DNAH11: variants seen among roughly 807,000 people sequenced by gnomAD.
The protein encoded by DNAH11 is axonemal beta dynein heavy chain 11.
DNAH11 carries 442 observed loss-of-function variants against 526.0 expected under a neutral mutation model. That is an observed-to-expected ratio of 0.84 (90% CI 0.78 to 0.91). The LOEUF is 0.91. DNAH11 is among the 40% of genes least tolerant of loss of function. The probability of loss-of-function intolerance (pLI) is 0.00; values close to 1 mark genes in which losing one functional copy is unlikely to be tolerated. For missense variants in DNAH11, 6,989 were observed against 5,448.7 expected, an observed-to-expected ratio of 1.28 and a Z score of -8.90; for synonymous variants, 2,461 against 1,935.9, an observed-to-expected ratio of 1.27 and a Z score of -7.12.
At chr7:21,732,348 A>G (rs1451749564) in intron 45 of DNAH11, among the ~76,000 whole-genome samples, 2 of 152,170 alleles carry the variant, frequency 1.3e-5, no homozygotes, top group Non-Finnish European at 2.9e-5. Context: ...AGATTGGGTT[A>G]GGGCTCAGTC....
At chr7:21,879,637 T>C (rs944594659) in intron 74 of DNAH11, among the ~76,000 whole-genome samples, 9 of 152,210 alleles carry the variant, frequency 5.9e-5, no homozygotes, top group South Asian at 2.1e-4. Context: ...ATCAAAACTA[T>C]AGGGATTCAA....
At chr7:21,601,715 A>T (rs148159401) in intron 18 of DNAH11, 97 bp downstream of exon 18, 1 of 895,378 alleles carries the variant, frequency 1.1e-6, no homozygotes, top group African/African-American at 1.7e-5. Context: ...CCTTATAACA[A>T]TCTATACTGT....
Position 21,543,368 on chromosome 7 carries a change from C to CGAG in DNAH11, c.131_133dup (p.Glu44dup). ...TGGAGCTCGAGGAGGAGGAGGAGAA[C>CGAG]GAGGAGGAGGCGGCGGCCAGGAGAG... On this transcript the variant is annotated inframe_insertion, in exon 1 of 82. Transcript: ENST00000409508. 2 of 1,551,690 alleles carry CGAG rather than the reference C, an allele frequency of 1.3e-6. No individual in the cohort carries two copies. The highest frequency in any genetic ancestry group is 8.7e-7 in the Non-Finnish European group (1 of 1,146,948).
At chr7:21,578,643 C>G (rs1255115014) in intron 8 of DNAH11, among the ~76,000 whole-genome samples, 1 of 152,232 alleles carries the variant, frequency 6.6e-6, no homozygotes, top group African/African-American at 2.4e-5. Flanking sequence ...CAACCCCACA[C>G]TGCCCTAGCA....
chr7:21,612,330 C>T (rs1343792685), intron 20 of DNAH11, among the ~76,000 whole-genome samples: 1 of 151,822 alleles, frequency 6.6e-6, no homozygotes, highest in Non-Finnish European at 1.5e-5. Flanking sequence ...CCGAGGTGGG[C>T]AGATCACAAG....
rs1784597054 is a variant in DNAH11 at position 21,589,426 on chromosome 7, T to G, written c.2169+23T>G. 3 of 1,574,784 alleles carry G rather than the reference T, an allele frequency of 1.9e-6. No individual in the cohort carries two copies. The Admixed American group carries it at 5.6e-5, about 29-fold the overall frequency. ...AAGGTAGGGATTTGATTTTTTAAGA[T>G]GATTTATAAGTGCCCTTTTTATTAT... On this transcript the variant is annotated intron_variant, in intron 12 of 81. Transcript: ENST00000409508.
At chr7:21,544,407 C>G (rs932084746) in intron 1 of DNAH11, among the ~76,000 whole-genome samples, 1 of 152,010 alleles carries the variant, frequency 6.6e-6, no homozygotes. Flanking sequence ...ATTTTGAATT[C>G]TTTTGTTTTA....
chr7:21,666,307 G>T (rs1782418931), intron 30 of DNAH11, among the ~76,000 whole-genome samples: 1 of 152,084 alleles, frequency 6.6e-6, no homozygotes, highest in Non-Finnish European at 1.5e-5. Context: ...TAATTTCCCA[G>T]ATTTGAAGGT....
chr7:21,750,210 T>C lies in DNAH11; in HGVS notation c.8798-12T>C. On this transcript the variant is annotated splice_polypyrimidine_tract_variant and intron_variant, in intron 53 of 81. Transcript: ENST00000409508. ...ATGATCTTTTAGTAATTCTACTCAT[T>C]CTTTGGGGCAGGAGAAATCCCAGAT... The C allele has an allele frequency of 6.3e-7, 1 of 1,579,094 alleles. No individual in the cohort carries two copies. Among genetic ancestry groups the C allele is most frequent in the Admixed American group, 1.9e-5 (1 of 51,840 alleles).
intron 28 of DNAH11, among the ~76,000 whole-genome samples, chr7:21,653,872 A>G (rs1583565799): frequency 6.6e-6 from 1 of 152,232 alleles, no homozygotes; most frequent in East Asian, 1.9e-4. Context: ...AAATCACCCT[A>G]AGGAAGTTCC....
At chr7:21,730,920 G>C (rs1277517530) in intron 45 of DNAH11, among the ~76,000 whole-genome samples, 1 of 152,186 alleles carries the variant, frequency 6.6e-6, no homozygotes, top group Non-Finnish European at 1.5e-5. Flanking sequence ...AAGGCAGGTT[G>C]ATCACCTGAG....
At chr7:21,564,057 AAAAG>A in intron 5 of DNAH11, 125 bp from the exon 6 acceptor site, 1 of 597,820 alleles carries the variant, frequency 1.7e-6, no homozygotes, top group South Asian at 3.3e-5. Context: ...TAAGTAATAT[AAAAG>A]GAACTATGAC....
At chr7:21,839,996 C>T (rs956666978) in intron 65 of DNAH11, among the ~76,000 whole-genome samples, 4 of 152,068 alleles carry the variant, frequency 2.6e-5, no homozygotes, top group Admixed American at 6.5e-5. Flanking sequence ...ACATTAAAAC[C>T]AGTTGTCTCA....
rs1434830607 is a variant in DNAH11 at position 21,900,893 on chromosome 7, C to CAAAAATATGACAAAACCAGAATGTT, written c.13304-113_13304-89dup. ...GCTCAGTAAAAATACCACTGACAAG[C>CAAAAATATGACAAAACCAGAATGTT]AAAAATATGACAAAACCAGAATGTT... On this transcript the variant is annotated intron_variant, in intron 81 of 81. Transcript: ENST00000409508. 9.5e-6 allele frequency: 14 copies of CAAAAATATGACAAAACCAGAATGTT among 1,470,504 alleles called. No homozygotes were observed. In the African/African-American group the frequency reaches 2.0e-4, roughly 21 times the overall value. 91.1% of individuals were successfully genotyped at this position (1,470,504 alleles called of 1,614,324 possible).
intron 65 of DNAH11, among the ~76,000 whole-genome samples, chr7:21,829,018 G>C (rs1041884707): frequency 6.6e-6 from 1 of 152,066 alleles, no homozygotes; most frequent in Non-Finnish European, 1.5e-5. Flanking sequence ...TGACCAACTT[G>C]CACAGCCCTT....
chr7:21,632,856 G>A (rs1286233159), intron 25 of DNAH11, among the ~76,000 whole-genome samples: 1 of 152,080 alleles, frequency 6.6e-6, no homozygotes, highest in African/African-American at 2.4e-5. Flanking sequence ...CTTTTCAATA[G>A]CACCCCACCC....
chr7:21,605,156 T>C (rs919882430), intron 18 of DNAH11, among the ~76,000 whole-genome samples: 1 of 152,230 alleles, frequency 6.6e-6, no homozygotes, highest in Admixed American at 6.5e-5. Context: ...ACCACACAAA[T>C]AGTATTTAGA....
chr7:21,617,805 C>A, intron 23 of DNAH11, 28 bp downstream of exon 23: 1 of 1,545,974 alleles, frequency 6.5e-7, no homozygotes, highest in South Asian at 1.3e-5. Flanking sequence ...CACTAATGAA[C>A]CTTTTTATGA....
intron 57 of DNAH11, among the ~76,000 whole-genome samples, chr7:21,781,551 T>A (rs1280520171): frequency 6.6e-6 from 1 of 152,196 alleles, no homozygotes; most frequent in African/African-American, 2.4e-5. Flanking sequence ...CCTTTATGAG[T>A]AGAGGCGCCT....
Sources: gnomAD v4.1 joint callset for allele counts (sites outside exome capture counted in the v4.1 genomes callset) on GRCh38, gnomAD v4.1.1 for gene constraint, MANE v1.5 for transcripts, NCBI Gene and HGNC (gene_info 2026-07-23, HGNC 2026-07-21) for gene names.